EML1: variants seen among roughly 807,000 people sequenced by gnomAD.
The protein encoded by EML1 is echinoderm microtubule-associated protein-like 1.
A neutral mutation model predicts 110.4 loss-of-function variants in EML1; 27 were observed. The ratio of observed to expected loss-of-function variants is 0.24; its 90% CI spans 0.18 to 0.34. The LOEUF is 0.34. Among genes scored for constraint, EML1 ranks in the 10% least tolerant of loss-of-function variants. The pLI is 1.00. For synonymous variants in EML1, 344 were observed against 385.8 expected (o/e 0.89, Z 1.27); for missense variants, 741 against 1,030.9 (o/e 0.72, Z 3.85).
At chr14:99,917,874 T>C in intron 16 of EML1, 25 bp downstream of exon 16, 4 of 1,612,872 alleles carry the variant, frequency 2.5e-6, no homozygotes, top group Non-Finnish European at 3.4e-6. Flanking sequence ...ACAGCGCTTG[T>C]GCTTGCAAAG....
chr14:99,767,833 C>T (rs1418815970), intron 1 of EML1, among the ~76,000 whole-genome samples: 1 of 152,150 alleles, frequency 6.6e-6, no homozygotes, highest in African/African-American at 2.4e-5. Context: ...TTCACATACA[C>T]ATCTGTCACC....
intron 17 of EML1, among the ~76,000 whole-genome samples, chr14:99,922,617 G>GCT (rs1455989853): frequency 2.0e-5 from 3 of 152,124 alleles, no homozygotes; most frequent in Non-Finnish European, 2.9e-5. Flanking sequence ...TCAGCCATGT[G>GCT]CTAGGGTTCT....
intron 2 of EML1, among the ~76,000 whole-genome samples, chr14:99,860,844 A>C (rs1010906806): frequency 2.0e-5 from 3 of 147,848 alleles, no homozygotes; most frequent in Admixed American, 1.4e-4. Context: ...CCCACCCTCT[A>C]TTTTTCTTTC....
In EML1 at chr14:99,917,819, C is replaced by G. The variant is rs757069320; in HGVS notation, c.1790C>G (p.Ser597Cys). Reference protein sequence around the residue: ...AQSSGFHPSGSVVAVGTLTGR... With the variant: ...AQSSGFHPSGCVVAVGTLTGR... Reference sequence around the variant, plus strand: ...TCTTCTGGTTTTCATCCTTCAGGGTCTGTGGTTGCAGTCGGAACACTCACT... The same window carrying G: ...TCTTCTGGTTTTCATCCTTCAGGGTGTGTGGTTGCAGTCGGAACACTCACT... Residue 597 changes from serine to cysteine, a missense_variant, in exon 16 of 22, where the codon TCT becomes TGT. Transcript: ENST00000262233. 1 of 1,614,182 alleles carries G rather than the reference C, an allele frequency of 6.2e-7. No homozygotes were observed. The highest frequency in any genetic ancestry group is 8.5e-7 in the Non-Finnish European group (1 of 1,180,028).
At chr14:99,742,351 G>T (rs1168569805) in intron 1 of EML1, among the ~76,000 whole-genome samples, 1 of 152,232 alleles carries the variant, frequency 6.6e-6, no homozygotes, top group Non-Finnish European at 1.5e-5. Context: ...ATCCCTTGGG[G>T]ATAGGGAGCC....
At chr14:99,895,462 A>T (rs2059656634) in intron 6 of EML1, among the ~76,000 whole-genome samples, 1 of 152,230 alleles carries the variant, frequency 6.6e-6, no homozygotes, top group Admixed American at 6.5e-5. Context: ...TTATAAGGAA[A>T]CAACAGTGAC....
In EML1 at chr14:99,929,385, C is replaced by T. The variant is rs929688242; in HGVS notation, c.1910-6644C>T. Reference sequence around the variant, plus strand: ...GTCACAGGGGATGTGATATCATCATCAGTAACAGCAGCAGTGATGGCCCCT... The same window carrying T: ...GTCACAGGGGATGTGATATCATCATTAGTAACAGCAGCAGTGATGGCCCCT... On this transcript the variant is annotated intron_variant, in intron 17 of 21. Coordinates refer to ENST00000262233, the MANE Select transcript of EML1 (RefSeq NM_004434.3). Among the ~76,000 whole-genome samples, 16 of 152,310 alleles carry T rather than the reference C, an allele frequency of 1.1e-4. 1 individual carries two copies. The highest frequency in any genetic ancestry group is 3.8e-4 in the African/African-American group (16 of 41,570).
At chr14:99,739,089 T>TGTGTGTGTGTGTGTGTGG (rs1555385396) in intron 1 of EML1, among the ~76,000 whole-genome samples, 1 of 133,934 alleles carries the variant, frequency 7.5e-6, no homozygotes, top group Non-Finnish European at 1.5e-5. Context: ...TGTGTGTGTG[T>TGTGTGTGTGTGTGTGTGG]GTGAGAGAGA....
intron 1 of EML1, among the ~76,000 whole-genome samples, chr14:99,750,999 G>A (rs932647303): frequency 6.6e-6 from 1 of 152,086 alleles, no homozygotes; most frequent in Non-Finnish European, 1.5e-5. Flanking sequence ...AAATGAACTG[G>A]CTGGAGCAAA....
chr14:99,865,403 T>G, intron 2 of EML1, 111 bp from the exon 3 acceptor site: 1 of 1,384,768 alleles, frequency 7.2e-7, no homozygotes, highest in Non-Finnish European at 9.9e-7. Flanking sequence ...ACTGCTCACC[T>G]CCTCCTGCTG....
intron 2 of EML1, among the ~76,000 whole-genome samples, chr14:99,864,526 G>T (rs1263050455): frequency 6.6e-6 from 1 of 152,084 alleles, no homozygotes; most frequent in East Asian, 1.9e-4. Context: ...TTGAAAAGAT[G>T]ATCTTGGCTG....
chr14:99,882,649 TA>T (rs199622855), intron 4 of EML1, among the ~76,000 whole-genome samples: 74 of 127,746 alleles, frequency 5.8e-4, no homozygotes, highest in African/African-American at 2.1e-3. Context: ...GCTGATGAGC[TA>T]AAAAAAAAAA....
At chr14:99,934,334 A>G (rs541264553) in intron 17 of EML1, among the ~76,000 whole-genome samples, 32 of 152,290 alleles carry the variant, frequency 2.1e-4, no homozygotes, top group African/African-American at 6.7e-4. Context: ...TTCTCAGCAA[A>G]AAATATGTAT....
intron 2 of EML1, among the ~76,000 whole-genome samples, chr14:99,854,981 G>A (rs11847798): frequency 0.32 from 47,913 of 151,806 alleles, 8,029 homozygotes; most frequent in African/African-American, 0.41. Context: ...AGCACTGTGC[G>A]CAACGGAGAA....
chr14:99,853,392 CGGGAGGGGTGTGCCCGT>C (rs1489354004), intron 2 of EML1, among the ~76,000 whole-genome samples: 5 of 151,668 alleles, frequency 3.3e-5, no homozygotes, highest in Admixed American at 2.0e-4. Flanking sequence ...GGCATGCCCA[CGGGAGGGGTGTGCCCGT>C]GGGAGGGGTG....
At chr14:99,903,642 A>G (rs2059795509) in intron 9 of EML1, among the ~76,000 whole-genome samples, 1 of 152,182 alleles carries the variant, frequency 6.6e-6, no homozygotes, top group Admixed American at 6.5e-5. Flanking sequence ...ATATTTATAC[A>G]AATACAGCCC....
rs188318878 is a variant in EML1, at chr14:99,939,809, T to C, written c.2323-178T>C. Among the ~76,000 whole-genome samples, 11 of 152,232 alleles carry C rather than the reference T, an allele frequency of 7.2e-5. No homozygotes were observed. The highest frequency in any genetic ancestry group is 2.6e-4 in the African/African-American group (11 of 41,532). Reference sequence around the variant, plus strand: ...CTGTCCCCTACCAGGCCACGAGGACTGTGGGCTTTGTTTCTGTGTCCCTTC... The same window carrying C: ...CTGTCCCCTACCAGGCCACGAGGACCGTGGGCTTTGTTTCTGTGTCCCTTC... On this transcript the variant is annotated intron_variant, in intron 21 of 21. Transcript: ENST00000262233. This position sits in a 1 kb window ranked among gnomAD's most constrained non-coding sequence, Gnocchi z 4.2.
chr14:99,890,763 T>C (rs1408746711), intron 4 of EML1, among the ~76,000 whole-genome samples: 1 of 152,228 alleles, frequency 6.6e-6, no homozygotes, highest in Non-Finnish European at 1.5e-5. Flanking sequence ...AACAGCCATC[T>C]GCTTAGGAGG....
intron 4 of EML1, among the ~76,000 whole-genome samples, chr14:99,887,669 C>T (rs540061755): frequency 2.0e-5 from 3 of 152,128 alleles, no homozygotes; most frequent in Non-Finnish European, 2.9e-5. Context: ...CCTTGAGAAG[C>T]GATCATCTCC....
Sources: allele counts gnomAD v4.1 joint callset (sites outside exome capture counted in the v4.1 genomes callset), GRCh38; gene constraint gnomAD v4.1.1; non-coding constraint Gnocchi (gnomAD v3.1); transcripts MANE v1.5; gene names NCBI Gene and HGNC (gene_info 2026-07-23, HGNC 2026-07-21).